Variants in ZFPM2 observed in about 807,000 individuals in gnomAD.
ZFPM2 encodes zinc finger protein ZFPM2.
A neutral mutation model predicts 98.6 loss-of-function variants in ZFPM2; 20 were observed. The ratio of observed to expected loss-of-function variants is 0.20; its 90% confidence interval spans 0.14 to 0.29. ZFPM2 has a LOEUF of 0.29. ZFPM2 is among the 10% of genes least tolerant of loss of function. The pLI, the probability that ZFPM2 is intolerant of heterozygous loss-of-function variation, is 1.00. For synonymous variants in ZFPM2, 518 were observed against 502.7 expected (o/e 1.03, Z -0.41); for missense variants, 1,310 against 1,388.6 (o/e 0.94, Z 0.90).
At position 105,801,584 on chromosome 8, in the gene ZFPM2, T is replaced by G. The variant is rs1284878144; in HGVS notation, c.1502T>G (p.Phe501Cys). ...CCTGTGGGCCCTTTCCTATCTCAGT[T>G]TTCTTTCCCCCAAGATATCACCATG... ...SFPVGPFLSQ[F>C]SFPQDITMVP... The change falls in exon 8 of 8, where the codon TTT becomes TGT. Residue 501 changes from phenylalanine (F) to cysteine (C), a missense_variant. Coordinates refer to ENST00000407775, the MANE Select transcript of ZFPM2 (RefSeq NM_012082.4). The G allele has an allele frequency of 6.2e-7, 1 of 1,613,892 alleles. No homozygotes were observed. The highest frequency in any genetic ancestry group is 1.1e-5 in the South Asian group (1 of 91,080).
chr8:105,671,544 T>C (rs1448562903), intron 5 of ZFPM2, among the ~76,000 whole-genome samples: 1 of 152,078 alleles, frequency 6.6e-6, no homozygotes, highest in Non-Finnish European at 1.5e-5. Flanking sequence ...GATTACTGAA[T>C]TTTTACTTTT....
rs186449176 is a variant in ZFPM2, at chr8:105,369,467, T to G, written c.41-49677T>G. Among the ~76,000 whole-genome samples, 376 of 152,244 alleles carry G rather than the reference T, an allele frequency of 2.5e-3. 1 individual carries two copies. The highest frequency in any genetic ancestry group is 8.7e-3 in the African/African-American group (360 of 41,548). On this transcript the variant is annotated intron_variant, in intron 1 of 7. Transcript: ENST00000407775. ...AACCTGAATTATTAGTGCATATAAA[T>G]CCATCTTCTTAATTAAATGGGGCCT...
At chr8:105,779,931 T>G (rs1813202489) in intron 5 of ZFPM2, among the ~76,000 whole-genome samples, 1 of 152,220 alleles carries the variant, frequency 6.6e-6, no homozygotes, top group Admixed American at 6.5e-5. Context: ...TTATCAAAAC[T>G]TGTAGTACAC....
chr8:105,623,475 A>T (rs1343298537), intron 4 of ZFPM2, among the ~76,000 whole-genome samples: 2 of 152,244 alleles, frequency 1.3e-5, no homozygotes, highest in Non-Finnish European at 1.5e-5. Flanking sequence ...TTAAAAGAAA[A>T]TTGTATATTT....
chr8:105,581,717 A>G (rs1364410252), intron 4 of ZFPM2, among the ~76,000 whole-genome samples: 1 of 152,214 alleles, frequency 6.6e-6, no homozygotes, highest in Non-Finnish European at 1.5e-5. Flanking sequence ...CTTAAAATCT[A>G]CAATTTAAAA....
chr8:105,586,002 GGTGTGTGTGTGT>G (rs142133685), intron 4 of ZFPM2, among the ~76,000 whole-genome samples: 9,194 of 142,782 alleles, frequency 0.064, 295 homozygotes, highest in Admixed American at 0.097. Flanking sequence ...GGGGGGAAGG[GGTGTGTGTGTGT>G]GTGTGTGTGT....
chr8:105,536,771 G>A (rs1309411496), intron 3 of ZFPM2, among the ~76,000 whole-genome samples: 1 of 152,116 alleles, frequency 6.6e-6, no homozygotes, highest in Non-Finnish European at 1.5e-5. Flanking sequence ...CAGAAAAGAG[G>A]AATGATATGA....
Position 105,801,784 on chromosome 8 carries a change from A to C in ZFPM2, c.1702A>C (p.Lys568Gln), listed in dbSNP as rs1318043355. The change falls in exon 8 of 8, where the codon AAG becomes CAG. Residue 568 changes from lysine to glutamine, a missense_variant. By Grantham distance (53) the Lys-to-Gln change is moderately conservative. Transcript: ENST00000407775. The part of the protein sequence containing the change: ...NNLDNYLVHK[K>Q]HYCSSRWQQM... ...TTTGGATAATTATCTAGTGCACAAA[A>C]AGCATTATTGCAGCAGCCGATGGCA... 1 of 1,613,810 alleles carries C rather than the reference A, an allele frequency of 6.2e-7. No homozygotes were observed. The highest frequency in any genetic ancestry group is 8.5e-7 in the Non-Finnish European group (1 of 1,179,876).
At chr8:105,779,034 T>G in intron 5 of ZFPM2, among the ~76,000 whole-genome samples, 1 of 152,282 alleles carries the variant, frequency 6.6e-6, no homozygotes, top group East Asian at 1.9e-4. Context: ...TTAATGGCGA[T>G]GCTATGCAGT....
intron 5 of ZFPM2, among the ~76,000 whole-genome samples, chr8:105,658,139 G>A (rs1435612672): frequency 1.3e-5 from 2 of 152,126 alleles, no homozygotes; most frequent in East Asian, 3.9e-4. Context: ...AGTTTTTATT[G>A]AAAGAGTCTG....
chr8:105,347,263 CA>C (rs1812556685), intron 1 of ZFPM2, among the ~76,000 whole-genome samples: 1 of 151,650 alleles, frequency 6.6e-6, no homozygotes, highest in South Asian at 2.1e-4. Flanking sequence ...TTACTGATTG[CA>C]AATTAAAAGC....
intron 1 of ZFPM2, among the ~76,000 whole-genome samples, chr8:105,373,354 AGT>A (rs2129826097): frequency 6.6e-6 from 1 of 152,296 alleles, no homozygotes; most frequent in South Asian, 2.1e-4. Flanking sequence ...TGGCATTCCA[AGT>A]TCAGTTATTA....
chr8:105,538,507 G>A (rs1814507587), intron 3 of ZFPM2, among the ~76,000 whole-genome samples: 1 of 152,008 alleles, frequency 6.6e-6, no homozygotes, highest in Non-Finnish European at 1.5e-5. Flanking sequence ...CATCTTTTTA[G>A]TTTTCAACAG....
At chr8:105,612,398 T>G (rs570542330) in intron 4 of ZFPM2, among the ~76,000 whole-genome samples, 1 of 152,168 alleles carries the variant, frequency 6.6e-6, no homozygotes, top group African/African-American at 2.4e-5. Context: ...TGCCCATAAA[T>G]ATTGAAGCCC....
chr8:105,491,912 A>C (rs1394447668), intron 3 of ZFPM2, among the ~76,000 whole-genome samples: 1 of 152,198 alleles, frequency 6.6e-6, no homozygotes, highest in Non-Finnish European at 1.5e-5. Flanking sequence ...GAAACTTAAA[A>C]TCCTGAATTT....
At chr8:105,527,016 G>C (rs955079578) in intron 3 of ZFPM2, among the ~76,000 whole-genome samples, 2 of 152,016 alleles carry the variant, frequency 1.3e-5, no homozygotes, top group African/African-American at 4.8e-5. Context: ...GTATTTCCTA[G>C]GGTTGTTATG....
intron 2 of ZFPM2, among the ~76,000 whole-genome samples, chr8:105,435,729 T>G (rs1812106596): frequency 6.6e-6 from 1 of 152,128 alleles, no homozygotes; most frequent in African/African-American, 2.4e-5. Flanking sequence ...TGGGTTAATA[T>G]GAAAATAAAA....
intron 5 of ZFPM2, among the ~76,000 whole-genome samples, chr8:105,751,226 T>C (rs1358301622): frequency 2.0e-5 from 3 of 152,036 alleles, no homozygotes; most frequent in Admixed American, 1.3e-4. Flanking sequence ...ATGTAGGAAA[T>C]TCAAAATGGA....
At chr8:105,554,380 G>A (rs985140538) in intron 3 of ZFPM2, among the ~76,000 whole-genome samples, 12 of 152,138 alleles carry the variant, frequency 7.9e-5, no homozygotes, top group African/African-American at 2.9e-4. Context: ...CCATAAAATA[G>A]CAAGAGCTCT....
Sources: gnomAD v4.1 joint callset for allele counts (sites outside exome capture counted in the v4.1 genomes callset) on GRCh38, gnomAD v4.1.1 for gene constraint, MANE v1.5 for transcripts, NCBI Gene and HGNC (gene_info 2026-07-23, HGNC 2026-07-21) for gene names.